The following CELF4 variants were observed in gnomAD, a reference collection of about 807,000 sequenced individuals.
CELF4 encodes the protein CUG-BP- and ETR-3-like factor 4.
In CELF4, 18 loss-of-function variants were observed where a neutral mutation model predicts 59.9. The observed-to-expected ratio is 0.30, with a 90% CI of 0.21 to 0.45. The LOEUF (loss-of-function observed/expected upper bound fraction) is 0.45. Among genes scored for constraint, CELF4 ranks in the 20% least tolerant of loss-of-function variants. The pLI, the probability that CELF4 is intolerant of heterozygous loss-of-function variation, is 1.00. For missense variants in CELF4, 456 were observed against 689.0 expected, an observed-to-expected ratio of 0.66 and a Z score of 3.79; for synonymous variants, 261 against 267.1, an observed-to-expected ratio of 0.98 and a Z score of 0.22.
chr18:37,534,302 G>T lies in CELF4; in HGVS notation c.286+31054C>A, dbSNP rs183169921. Among the ~76,000 whole-genome samples, 848 of 152,208 alleles carry T rather than the reference G, an allele frequency of 5.6e-3. 9 individuals carry two copies. The highest frequency in any genetic ancestry group is 0.019 in the African/African-American group (807 of 41,526). On this transcript the variant is annotated intron_variant, in intron 1 of 12. Transcript: ENST00000420428. The stretch of plus-strand genomic sequence containing the variant: ...TACTGGGTGCTGGGGAGGGGGAAGG[G>T]CAGGGCTGGCTTGGGCAGAAGGTGT...
intron 1 of CELF4, among the ~76,000 whole-genome samples, chr18:37,523,850 G>A (rs1296982465): frequency 7.6e-6 from 1 of 132,170 alleles, no homozygotes; most frequent in Non-Finnish European, 1.5e-5. Flanking sequence ...GTCAACAGAG[G>A]TGAAGGTGGG....
chr18:37,381,258 G>A (rs1418273165), intron 2 of CELF4, among the ~76,000 whole-genome samples: 1 of 152,202 alleles, frequency 6.6e-6, no homozygotes, highest in Non-Finnish European at 1.5e-5. Context: ...CAGGAGGCCA[G>A]GTAGGAGTAA....
In CELF4 at chr18:37,270,924, C is replaced by A; in HGVS notation, c.950-7G>T. On this transcript the variant is annotated splice_polypyrimidine_tract_variant and splice_region_variant and intron_variant, in intron 7 of 12. Coordinates refer to ENST00000420428, the MANE Select transcript of CELF4 (RefSeq NM_020180.4). ...CCCGGAGGGGTGCTGCCACCTGGTT[C>A]CAGGCATACAGAAGGGTGGAGGAGG... 6.3e-7 allele frequency: 1 copy of A among 1,599,858 alleles called. No homozygotes were observed. The highest frequency in any genetic ancestry group is 8.5e-7 in the Non-Finnish European group (1 of 1,172,516).
chr18:37,562,027 C>A (rs1375807974), intron 1 of CELF4, among the ~76,000 whole-genome samples: 3 of 152,098 alleles, frequency 2.0e-5, no homozygotes, highest in African/African-American at 4.8e-5. Context: ...TCTCTCTCTG[C>A]CTAGCACCCA....
intron 2 of CELF4, among the ~76,000 whole-genome samples, chr18:37,381,153 T>TCCAC (rs1159985211): frequency 1.1e-3 from 158 of 150,232 alleles, no homozygotes; most frequent in African/African-American, 3.6e-3. Context: ...CATCCATCCA[T>TCCAC]CCACCTACCA....
At chr18:37,394,101 G>GC (rs1191140288) in intron 2 of CELF4, among the ~76,000 whole-genome samples, 1 of 152,098 alleles carries the variant, frequency 6.6e-6, no homozygotes, top group Non-Finnish European at 1.5e-5. Flanking sequence ...CGCGGGAGGG[G>GC]CCCGCGGCAG....
At chr18:37,388,469 G>C (rs2099123146) in intron 2 of CELF4, among the ~76,000 whole-genome samples, 1 of 147,906 alleles carries the variant, frequency 6.8e-6, no homozygotes, top group Non-Finnish European at 1.5e-5. Context: ...TCCTCCTCCA[G>C]TCTCTCCCAT....
intron 2 of CELF4, among the ~76,000 whole-genome samples, chr18:37,451,484 T>G (rs1355673627): frequency 6.6e-6 from 1 of 152,192 alleles, no homozygotes. Flanking sequence ...TGTACCCATG[T>G]GCATGTGTGT....
intron 1 of CELF4, among the ~76,000 whole-genome samples, chr18:37,556,387 C>A (rs1432446598): frequency 6.6e-6 from 1 of 152,248 alleles, no homozygotes. Context: ...CTCAGGGTCT[C>A]AACCTTCTGC....
At chr18:37,329,874 T>A (rs781430452) in intron 2 of CELF4, among the ~76,000 whole-genome samples, 1 of 152,266 alleles carries the variant, frequency 6.6e-6, no homozygotes, top group Non-Finnish European at 1.5e-5. Context: ...CCCATGACGC[T>A]GACCTGGGGG....
chr18:37,346,301 A>G (rs1474393419), intron 2 of CELF4, among the ~76,000 whole-genome samples: 1 of 152,196 alleles, frequency 6.6e-6, no homozygotes, highest in Non-Finnish European at 1.5e-5. Flanking sequence ...CATACCCAGA[A>G]TGCTATAGGT....
Position 37,555,876 on chromosome 18 carries a change from T to C in CELF4, c.286+9480A>G, listed in dbSNP as rs573057110. Among the ~76,000 whole-genome samples, 6 of 152,294 alleles carry C rather than the reference T, an allele frequency of 3.9e-5. No individual in the cohort carries two copies. The South Asian group carries it at 1.2e-3, about 32-fold the overall frequency. ...ATGGCATGTGGTATGCAAAAGAATG[T>C]GTGCGCATATGCTTGTGTGGTGAAT... is the stretch of plus-strand genomic sequence containing the variant. On this transcript the variant is annotated intron_variant, in intron 1 of 12. Transcript: ENST00000420428.
chr18:37,291,413 C>A (rs1281710337), intron 3 of CELF4, among the ~76,000 whole-genome samples: 2 of 152,220 alleles, frequency 1.3e-5, no homozygotes, highest in African/African-American at 2.4e-5. Context: ...GAAGCCTGGA[C>A]CTGCATATGC....
intron 3 of CELF4, 100 bp downstream of exon 3, chr18:37,321,703 G>C: frequency 2.4e-6 from 2 of 820,308 alleles, no homozygotes; most frequent in Non-Finnish European, 2.0e-6. Context: ...AGAGGGGCAA[G>C]AGGAGGAGGC....
At chr18:37,467,151 C>T (rs547912709) in intron 2 of CELF4, among the ~76,000 whole-genome samples, 14 of 152,260 alleles carry the variant, frequency 9.2e-5, no homozygotes, top group Non-Finnish European at 1.8e-4. Context: ...TATCAGAAAG[C>T]TACTCTGGTT....
intron 2 of CELF4, among the ~76,000 whole-genome samples, chr18:37,392,232 C>T (rs537192432): frequency 3.9e-5 from 6 of 152,296 alleles, no homozygotes; most frequent in South Asian, 2.1e-4. Context: ...GGACAGGCTC[C>T]GTCACGGAGA....
intron 3 of CELF4, among the ~76,000 whole-genome samples, chr18:37,317,237 A>C (rs1298451755): frequency 6.6e-6 from 1 of 152,174 alleles, no homozygotes; most frequent in Non-Finnish European, 1.5e-5. Context: ...TAATACAAAA[A>C]TTAGCTAGGC....
At chr18:37,495,151 G>A (rs2099923731) in intron 1 of CELF4, among the ~76,000 whole-genome samples, 2 of 152,348 alleles carry the variant, frequency 1.3e-5, no homozygotes, top group East Asian at 1.9e-4. Flanking sequence ...CCTGGTAGGG[G>A]AGTTTAGATC....
chr18:37,321,699 G>T, intron 3 of CELF4, 104 bp downstream of exon 3: 2 of 790,314 alleles, frequency 2.5e-6, no homozygotes, highest in Non-Finnish European at 4.2e-6. Flanking sequence ...CCCCAGAGGG[G>T]CAAGAGGAGG....
Sources: gnomAD v4.1 joint callset for allele counts (sites outside exome capture counted in the v4.1 genomes callset) on GRCh38, gnomAD v4.1.1 for gene constraint, MANE v1.5 for transcripts, NCBI Gene and HGNC (gene_info 2026-07-23, HGNC 2026-07-21) for gene names.